The following PLCB4 variants were observed in gnomAD, a reference collection of about 807,000 sequenced individuals.
The protein encoded by PLCB4 is 1-phosphatidylinositol 4,5-bisphosphate phosphodiesterase beta-4.
In PLCB4, 77 loss-of-function variants were observed where a neutral mutation model predicts 178.8. The observed-to-expected ratio is 0.43, with a 90% CI of 0.36 to 0.52. The LOEUF is 0.52. Ranked by LOEUF, PLCB4 falls within the 20% of genes least tolerant of loss-of-function variation. The pLI, the probability that PLCB4 is intolerant of heterozygous loss-of-function variation, is 0.00. For synonymous variants in PLCB4, 496 were observed against 490.8 expected, an observed-to-expected ratio of 1.01 and a Z score of -0.14; for missense variants, 1,024 against 1,453.4, an observed-to-expected ratio of 0.70 and a Z score of 4.80.
At chr20:9,473,200 T>G in intron 37 of PLCB4, 79 bp from the exon 38 acceptor site, 1 of 824,640 alleles carries the variant, frequency 1.2e-6, no homozygotes, top group Non-Finnish European at 1.9e-6. Flanking sequence ...AATTATAAAG[T>G]TACAAGTCAT....
At chr20:9,430,750 G>C (rs1021013893) in intron 28 of PLCB4, among the ~76,000 whole-genome samples, 1 of 152,198 alleles carries the variant, frequency 6.6e-6, no homozygotes, top group African/African-American at 2.4e-5. Flanking sequence ...GATTCAGCTA[G>C]GTCAGGATTG....
intron 36 of PLCB4, among the ~76,000 whole-genome samples, chr20:9,468,876 C>T (rs2043984724): frequency 6.6e-6 from 1 of 152,170 alleles, no homozygotes. Flanking sequence ...TGCTTACTAC[C>T]ACCAGTAAAA....
chr20:9,445,712 A>G (rs917863246), intron 32 of PLCB4, among the ~76,000 whole-genome samples: 18 of 152,338 alleles, frequency 1.2e-4, no homozygotes, highest in South Asian at 2.1e-4. Flanking sequence ...TACATTGCTC[A>G]ATGGGGTTAT....
intron 2 of PLCB4, among the ~76,000 whole-genome samples, chr20:9,169,135 G>A (rs1373957847): frequency 1.3e-5 from 2 of 152,088 alleles, no homozygotes; most frequent in African/African-American, 2.4e-5. Context: ...TGGCTTGCAG[G>A]TGCTCCACTT....
chr20:9,082,453 G>A (rs1353922783), intron 1 of PLCB4, among the ~76,000 whole-genome samples: 1 of 152,140 alleles, frequency 6.6e-6, no homozygotes, highest in East Asian at 1.9e-4. Flanking sequence ...CCCTCCCCAA[G>A]CTTGGAGCAT....
intron 2 of PLCB4, among the ~76,000 whole-genome samples, chr20:9,206,502 T>G (rs1228269873): frequency 1.3e-5 from 2 of 152,166 alleles, no homozygotes; most frequent in Non-Finnish European, 2.9e-5. Flanking sequence ...CAGAAACTTT[T>G]TTCTTTTTCA....
intron 3 of PLCB4, among the ~76,000 whole-genome samples, chr20:9,278,101 T>A (rs551788859): frequency 2.3e-4 from 35 of 152,168 alleles, no homozygotes; most frequent in Admixed American, 3.9e-4. Flanking sequence ...GAAGCTTGCT[T>A]AAGTTCAGAG....
chr20:9,174,380 A>C (rs1454640706), intron 2 of PLCB4, among the ~76,000 whole-genome samples: 1 of 151,512 alleles, frequency 6.6e-6, no homozygotes, highest in Non-Finnish European at 1.5e-5. Flanking sequence ...TCCTGGGCTT[A>C]AGAAATCCTC....
chr20:9,328,418 G>T (rs2031075933), intron 4 of PLCB4, among the ~76,000 whole-genome samples: 1 of 152,204 alleles, frequency 6.6e-6, no homozygotes, highest in Admixed American at 6.5e-5. Flanking sequence ...AGTACAGAAT[G>T]TTTCAGTAGT....
intron 2 of PLCB4, among the ~76,000 whole-genome samples, chr20:9,191,364 T>C: frequency 6.9e-6 from 1 of 145,888 alleles, no homozygotes; most frequent in East Asian, 2.0e-4. Flanking sequence ...TTTTTTTTTT[T>C]TTTTTTTTTG....
At chr20:9,255,576 C>T (rs183604655) in intron 3 of PLCB4, among the ~76,000 whole-genome samples, 46 of 151,010 alleles carry the variant, frequency 3.0e-4, no homozygotes, top group African/African-American at 1.0e-3. Context: ...AAATCATGCC[C>T]AAACCAACAG....
At chr20:9,096,531 T>C (rs1373965195) in intron 2 of PLCB4, among the ~76,000 whole-genome samples, 189 bp downstream of exon 2, 1 of 152,250 alleles carries the variant, frequency 6.6e-6, no homozygotes, top group Non-Finnish European at 1.5e-5. Flanking sequence ...AGAATGACTA[T>C]TTTGAGACAA....
rs1284641204 is a variant in PLCB4 at position 9,193,294 on chromosome 20, A to G, written c.-78-24096A>G. 3.9e-5 allele frequency among the ~76,000 whole-genome samples: 6 copies of G among 152,222 alleles called. No homozygotes were observed. The East Asian group carries it at 1.2e-3, about 29-fold the overall frequency. On this transcript the variant is annotated intron_variant, in intron 2 of 39. Transcript: ENST00000378473. Reference sequence around the variant, plus strand: ...AAGCCAATAAATGGTTTGTTTTCACAGAGAAAAACTACAACTATGTGCAAC... The same window carrying G: ...AAGCCAATAAATGGTTTGTTTTCACGGAGAAAAACTACAACTATGTGCAAC...
intron 23 of PLCB4, 110 bp downstream of exon 23, chr20:9,408,827 T>C: frequency 4.2e-6 from 3 of 719,002 alleles, no homozygotes; most frequent in Non-Finnish European, 7.4e-6. Flanking sequence ...GTTCATAAAA[T>C]GATATGTGGG....
intron 2 of PLCB4, among the ~76,000 whole-genome samples, chr20:9,116,637 T>C (rs756623560): frequency 1.8e-4 from 27 of 152,166 alleles, no homozygotes; most frequent in Middle Eastern, 3.2e-3. Context: ...ATAGAAACTT[T>C]TGGTATGTGG....
chr20:9,477,487 A>G (rs1174244722), intron 39 of PLCB4, among the ~76,000 whole-genome samples: 1 of 152,144 alleles, frequency 6.6e-6, no homozygotes, highest in African/African-American at 2.4e-5. Flanking sequence ...CTAAAGGGGG[A>G]CAAGCACAGA....
intron 4 of PLCB4, among the ~76,000 whole-genome samples, chr20:9,316,946 T>C (rs1034977019): frequency 2.6e-5 from 4 of 152,192 alleles, no homozygotes; most frequent in African/African-American, 9.6e-5. Context: ...AGGAAAGGTC[T>C]GTATTGTAGG....
At position 9,155,702 on chromosome 20, in the gene PLCB4, G is replaced by A. The variant is rs530109658; in HGVS notation, c.-79+59360G>A. On this transcript the variant is annotated intron_variant, in intron 2 of 39. Transcript: ENST00000378473. ...CAAAGCTCAGTGAAACCACCAGCTG[G>A]TGAATAAGACTTCTGAGTGGGTGGG... Among the ~76,000 whole-genome samples the A allele has an allele frequency of 7.9e-5, 12 of 152,282 alleles. No individual in the cohort carries two copies. The South Asian group carries it at 2.5e-3, about 32-fold the overall frequency.
chr20:9,296,161 G>GA (rs1185568863), intron 3 of PLCB4, among the ~76,000 whole-genome samples: 3 of 151,890 alleles, frequency 2.0e-5, no homozygotes, highest in African/African-American at 4.8e-5. Context: ...AAATCTATAA[G>GA]AAAAAAACAA....
Sources: gnomAD v4.1 joint callset for allele counts (sites outside exome capture counted in the v4.1 genomes callset) on GRCh38, gnomAD v4.1.1 for gene constraint, MANE v1.5 for transcripts, NCBI Gene and HGNC (gene_info 2026-07-23, HGNC 2026-07-21) for gene names.